The following TMEM170B variants were observed in gnomAD, a reference collection of about 807,000 sequenced individuals.
TMEM170B encodes transmembrane protein 170B.
In TMEM170B, 6 loss-of-function variants were observed where a neutral mutation model predicts 13.0. The observed-to-expected ratio is 0.46, with a 90% CI of 0.25 to 0.91. The LOEUF (loss-of-function observed/expected upper bound fraction) is 0.91. TMEM170B is among the 40% of genes least tolerant of loss of function. The pLI, the probability that TMEM170B is intolerant of heterozygous loss-of-function variation, is 0.17. For synonymous variants in TMEM170B, 61 were observed against 64.9 expected (o/e 0.94, Z 0.29); for missense variants, 138 against 165.2 (o/e 0.84, Z 0.90).
chr6:11,576,735 A>T lies in TMEM170B; in HGVS notation c.*1174A>T, dbSNP rs1316957130. The T allele has an allele frequency of 6.6e-6, 1 of 152,188 alleles. No homozygotes were observed. Among genetic ancestry groups the T allele is most frequent in the African/African-American group, 2.4e-5 (1 of 41,458 alleles). The allele number at this position is 152,188 out of a possible 1,614,324, so 9.4% of individuals were successfully genotyped here. A position where few individuals can be genotyped will look rare whatever the true frequency, so the allele number is the denominator to read the frequency against. ...ATTGGGGAATATAGTAGATAATTTT[A>T]AAATTTGGCAATTAGTCTCAGCATA... On this transcript the variant is annotated 3_prime_UTR_variant, in exon 3 of 3. Coordinates refer to ENST00000379426, the MANE Select transcript of TMEM170B (RefSeq NM_001100829.3).
chr6:11,570,130 C>T (rs903064137), intron 2 of TMEM170B, among the ~76,000 whole-genome samples: 1 of 151,984 alleles, frequency 6.6e-6, no homozygotes, highest in African/African-American at 2.4e-5. Flanking sequence ...ATTATATCAC[C>T]CAAGAACATG....
intron 2 of TMEM170B, among the ~76,000 whole-genome samples, chr6:11,570,035 G>T (rs897803530): frequency 2.2e-4 from 34 of 151,770 alleles, no homozygotes; most frequent in Admixed American, 1.9e-3. Context: ...TTTAGACTAT[G>T]TCTACTGGAT....
rs1023403602 is a variant in TMEM170B, at chr6:11,537,751, T to G, written c.-527T>G. Among the ~76,000 whole-genome samples the G allele has an allele frequency of 4.0e-5, 6 of 151,486 alleles. No homozygotes were observed. The highest frequency in any genetic ancestry group is 1.5e-4 in the African/African-American group (6 of 41,284). On this transcript the variant is annotated 5_prime_UTR_variant, in exon 1 of 3. Coordinates refer to ENST00000379426, the MANE Select transcript of TMEM170B (RefSeq NM_001100829.3). ...GGCTGCGGGTGGAGGGGGCGGTTCCTCGAGTGTCGGCGACCCGAGGGCGGG... is the reference window on the plus strand; with the variant it reads ...GGCTGCGGGTGGAGGGGGCGGTTCCGCGAGTGTCGGCGACCCGAGGGCGGG...
intron 1 of TMEM170B, among the ~76,000 whole-genome samples, chr6:11,552,438 C>T (rs1381523222): frequency 6.6e-6 from 1 of 152,118 alleles, no homozygotes; most frequent in Non-Finnish European, 1.5e-5. Flanking sequence ...CCCTGAGTGT[C>T]GTCATCCAAA....
At position 11,576,597 on chromosome 6, in the gene TMEM170B, T is replaced by G. The variant is rs1365584497; in HGVS notation, c.*1036T>G. ...TTTTAGAGACTGGCCTAAATTAGGC[T>G]CTGGAAATAAAGACCTCATTTGTAG... On this transcript the variant is annotated 3_prime_UTR_variant, in exon 3 of 3. Coordinates refer to ENST00000379426, the MANE Select transcript of TMEM170B (RefSeq NM_001100829.3). 1 of 152,150 alleles carries G rather than the reference T, an allele frequency of 6.6e-6. No individual in the cohort carries two copies. The highest frequency in any genetic ancestry group is 1.5e-5 in the Non-Finnish European group (1 of 67,992). The allele number at this position is 152,150 out of a possible 1,614,324, so 9.4% of individuals were successfully genotyped here. A position where few individuals can be genotyped will look rare whatever the true frequency, so the allele number is the denominator to read the frequency against.
At chr6:11,553,194 G>A (rs1332152278) in intron 1 of TMEM170B, among the ~76,000 whole-genome samples, 1 of 152,124 alleles carries the variant, frequency 6.6e-6, no homozygotes, top group African/African-American at 2.4e-5. Flanking sequence ...GAACCTCCCT[G>A]TAGGTGGGTT....
At chr6:11,541,706 G>C (rs1338766822) in intron 1 of TMEM170B, among the ~76,000 whole-genome samples, 3 of 152,166 alleles carry the variant, frequency 2.0e-5, no homozygotes, top group African/African-American at 7.2e-5. Context: ...CTAGCTTTCA[G>C]CCTAACTCAT....
chr6:11,569,563 A>C (rs895685442), intron 2 of TMEM170B, among the ~76,000 whole-genome samples: 7 of 152,166 alleles, frequency 4.6e-5, no homozygotes, highest in Admixed American at 3.9e-4. Context: ...AGGTAGTGCA[A>C]AAGCAGCCAT....
chr6:11,545,280 C>CTCTCTCTG (rs1442789332), intron 1 of TMEM170B, among the ~76,000 whole-genome samples: 9 of 139,814 alleles, frequency 6.4e-5, no homozygotes, highest in African/African-American at 2.1e-4. Context: ...CTCTCTCTCT[C>CTCTCTCTG]TGTGTGTGTG....
chr6:11,539,093 T>C (rs1759325007), intron 1 of TMEM170B, among the ~76,000 whole-genome samples: 1 of 152,246 alleles, frequency 6.6e-6, no homozygotes, highest in Non-Finnish European at 1.5e-5. Context: ...CATCAATTTC[T>C]ATTTGTAAAA....
intron 1 of TMEM170B, among the ~76,000 whole-genome samples, chr6:11,544,693 A>G (rs1759407533): frequency 1.3e-5 from 2 of 152,160 alleles, no homozygotes; most frequent in East Asian, 1.9e-4. Flanking sequence ...CGTATCTGTC[A>G]CTTAATAACC....
chr6:11,580,073 G>A lies in TMEM170B; in HGVS notation c.*4512G>A. Reference sequence around the variant, plus strand: ...CTTGTTGCCCAGGCTGCAGTGCAATGGCATGATCTCAGCTCACCGCAACCT... The same window carrying A: ...CTTGTTGCCCAGGCTGCAGTGCAATAGCATGATCTCAGCTCACCGCAACCT... On this transcript the variant is annotated 3_prime_UTR_variant, in exon 3 of 3. Coordinates refer to ENST00000379426, the MANE Select transcript of TMEM170B (RefSeq NM_001100829.3). 6.5e-6 allele frequency: 1 copy of A among 153,826 alleles called. No homozygotes were observed. Among genetic ancestry groups the A allele is most frequent in the Non-Finnish European group, 1.4e-5 (1 of 69,306 alleles). The allele number at this position is 153,826 out of a possible 1,614,324, so 9.5% of individuals were successfully genotyped here.
At position 11,578,423 on chromosome 6, in the gene TMEM170B, G is replaced by A. The variant is rs778243157; in HGVS notation, c.*2862G>A. ...TAGTGAAATCAGCTCCCCAAAGAAGGAACTCCTACATGCCCAAACTAATTA... is the reference window on the plus strand; with the variant it reads ...TAGTGAAATCAGCTCCCCAAAGAAGAAACTCCTACATGCCCAAACTAATTA... On this transcript the variant is annotated 3_prime_UTR_variant, in exon 3 of 3. Coordinates refer to ENST00000379426, the MANE Select transcript of TMEM170B (RefSeq NM_001100829.3). 6.6e-6 allele frequency: 1 copy of A among 152,042 alleles called. No homozygotes were observed. Among genetic ancestry groups the A allele is most frequent in the Non-Finnish European group, 1.5e-5 (1 of 67,980 alleles). The allele number at this position is 152,042 out of a possible 1,614,324, so 9.4% of individuals were successfully genotyped here.
At chr6:11,548,135 A>C (rs1434371488) in intron 1 of TMEM170B, among the ~76,000 whole-genome samples, 2 of 152,208 alleles carry the variant, frequency 1.3e-5, no homozygotes, top group African/African-American at 2.4e-5. Context: ...CTACCATCAG[A>C]CTGAACAGGC....
rs577802390 is a variant in TMEM170B, at chr6:11,581,034, G to T, written c.*5473G>T. On this transcript the variant is annotated 3_prime_UTR_variant, in exon 3 of 3. Transcript: ENST00000379426. The stretch of plus-strand genomic sequence containing the variant: ...TAAAAATGTATCCATGAATTTGGGG[G>T]AAATAATGCTTAATATCTGAAGTAT... 6.6e-6 allele frequency: 1 copy of T among 152,198 alleles called. No homozygotes were observed. The highest frequency in any genetic ancestry group is 6.5e-5 in the Admixed American group (1 of 15,272). The allele number at this position is 152,198 out of a possible 1,614,324, so 9.4% of individuals were successfully genotyped here. A position where few individuals can be genotyped will look rare whatever the true frequency, so the allele number is the denominator to read the frequency against.
intron 1 of TMEM170B, among the ~76,000 whole-genome samples, chr6:11,546,245 A>ATTTTTT (rs572760228): frequency 1.3e-5 from 2 of 151,076 alleles, no homozygotes; most frequent in African/African-American, 4.9e-5. Context: ...GTTTTTAACA[A>ATTTTTT]TTTTTTTTTA....
chr6:11,538,327 A>G lies in TMEM170B; in HGVS notation c.50A>G (p.Gln17Arg). 6.7e-7 allele frequency: 1 copy of G among 1,502,908 alleles called. No individual in the cohort carries two copies. The highest frequency in any genetic ancestry group is 8.8e-7 in the Non-Finnish European group (1 of 1,131,528). 93.1% of individuals were successfully genotyped at this position (1,502,908 alleles called of 1,614,324 possible). A position where few individuals can be genotyped will look rare whatever the true frequency, so the allele number is the denominator to read the frequency against. Residue 17 changes from glutamine (Q) to arginine (R), a missense_variant, in exon 1 of 3, where the codon CAG becomes CGG. Gln to Arg is a conservative substitution (Grantham distance 43). Transcript: ENST00000379426. ...DHSMINLSVQ[Q>R]VLSLWAHGTV... is the part of the protein sequence containing the mutation. ...TCCATGATCAACCTGTCGGTGCAGC[A>G]GGTCCTGAGCCTCTGGGCCCACGGG...
intron 1 of TMEM170B, among the ~76,000 whole-genome samples, chr6:11,561,670 A>T (rs972499080): frequency 2.0e-5 from 3 of 152,184 alleles, no homozygotes; most frequent in Non-Finnish European, 2.9e-5. Context: ...CTGTTAGGTT[A>T]TGTTTTCTAT....
At chr6:11,554,938 G>C (rs1049990622) in intron 1 of TMEM170B, among the ~76,000 whole-genome samples, 1 of 152,062 alleles carries the variant, frequency 6.6e-6, no homozygotes, top group African/African-American at 2.4e-5. Flanking sequence ...TTAAAAATAA[G>C]AAGAAAATGT....
Sources: allele counts gnomAD v4.1 joint callset (sites outside exome capture counted in the v4.1 genomes callset), GRCh38; gene constraint gnomAD v4.1.1; transcripts MANE v1.5; gene names NCBI Gene and HGNC (gene_info 2026-07-23, HGNC 2026-07-21).